The following SYNE3 variants were observed in gnomAD, a reference collection of about 807,000 sequenced individuals.
The protein encoded by SYNE3 is spectrin repeat containing nuclear envelope family member 3, also known as nesprin-3.
A neutral mutation model predicts 111.2 loss-of-function variants in SYNE3; 100 were observed. The ratio of observed to expected loss-of-function variants is 0.90; its 90% CI spans 0.77 to 1.06. SYNE3 has a LOEUF of 1.06. Among genes scored for constraint, SYNE3 ranks in the 50% least tolerant of loss-of-function variants. The pLI, the probability that SYNE3 is intolerant of heterozygous loss-of-function variation, is 0.00. For synonymous variants in SYNE3, 547 were observed against 533.9 expected (o/e 1.02, Z -0.34); for missense variants, 1,160 against 1,240.3 (o/e 0.94, Z 0.97).
intron 6 of SYNE3, 139 bp downstream of exon 6, chr14:95,455,238 G>T (rs1887340189): frequency 1.5e-6 from 1 of 650,986 alleles, no homozygotes; most frequent in Non-Finnish European, 2.4e-6. Flanking sequence ...TCAGGGAGCT[G>T]AGATACCAAG....
intron 15 of SYNE3, 116 bp from the exon 16 acceptor site, chr14:95,433,525 C>T: frequency 7.1e-7 from 1 of 1,406,120 alleles, no homozygotes; most frequent in Non-Finnish European, 9.6e-7. Context: ...AGGGAGGAGG[C>T]AGACAGAATC....
chr14:95,427,743 C>T (rs1370228674), intron 17 of SYNE3, among the ~76,000 whole-genome samples: 2 of 150,984 alleles, frequency 1.3e-5, no homozygotes, highest in Admixed American at 6.6e-5. Flanking sequence ...GCCTGGCATT[C>T]GGGGCCACTA....
chr14:95,512,775 G>A (rs958821181), intron 1 of SYNE3, among the ~76,000 whole-genome samples: 12 of 150,668 alleles, frequency 8.0e-5, no homozygotes, highest in South Asian at 2.1e-4. Context: ...GGAGAATGGC[G>A]TAAACCCGGC....
intron 3 of SYNE3, 79 bp downstream of exon 3, chr14:95,467,716 G>T: frequency 6.5e-7 from 1 of 1,544,494 alleles, no homozygotes; most frequent in Non-Finnish European, 8.8e-7. Context: ...AATGTCTCTT[G>T]GGCAGAGGGC....
Position 95,457,185 on chromosome 14 carries a change from T to G in SYNE3, c.781A>C (p.Thr261Pro). The change falls in exon 5 of 18, where the codon ACA (threonine) becomes CCA (proline). Residue 261 changes from threonine to proline, a missense_variant. Transcript: ENST00000682763. ...ACACAGCTGGGGATTACCTGCAGTG[T>G]GGAGAGGCGCTGCGTGATGGGCAGC... Reference protein sequence around the residue: ...CKLPITQRLSTLQDIAKDFPR... With the variant: ...CKLPITQRLSPLQDIAKDFPR... The G allele has an allele frequency of 6.2e-7, 1 of 1,613,392 alleles. No individual in the cohort carries two copies. Among genetic ancestry groups the G allele is most frequent in the Non-Finnish European group, 8.5e-7 (1 of 1,179,814 alleles).
At chr14:95,512,103 T>C (rs179155) in intron 1 of SYNE3, among the ~76,000 whole-genome samples, 48,530 of 152,032 alleles carry the variant, frequency 0.32, 8,153 homozygotes, top group Admixed American at 0.41. Context: ...ATCTTACTTG[T>C]TGTATGATTT....
intron 7 of SYNE3, 178 bp downstream of exon 7, chr14:95,452,069 A>T: frequency 7.2e-6 from 5 of 696,296 alleles, no homozygotes; most frequent in Non-Finnish European, 8.6e-6. Context: ...AATGCAAAAC[A>T]GTCAAAGGGG....
chr14:95,514,246 T>C (rs1165524763), intron 1 of SYNE3, among the ~76,000 whole-genome samples: 2 of 152,188 alleles, frequency 1.3e-5, no homozygotes, highest in African/African-American at 4.8e-5. Flanking sequence ...CTTCCAGTTT[T>C]GAAGCAGAGG....
rs1027214307 is a variant in SYNE3 at position 95,408,745 on chromosome 14, C to T, written c.*9081G>A. The T allele has an allele frequency of 5.2e-5, 10 of 193,380 alleles. No individual in the cohort carries two copies. The highest frequency in any genetic ancestry group is 7.4e-5 in the Non-Finnish European group (7 of 94,930). The allele number at this position is 193,380 out of a possible 1,614,324, so 12.0% of individuals were successfully genotyped here. A position where few individuals can be genotyped will look rare whatever the true frequency, so the allele number is the denominator to read the frequency against. On this transcript the variant is annotated 3_prime_UTR_variant, in exon 18 of 18. Transcript: ENST00000682763. ...ACATGCACACACAGCTTCCTCTGTC[C>T]GCTTCCTCCTCCCCAGTAAAACTTC... is the stretch of plus-strand genomic sequence containing the variant.
Position 95,414,000 on chromosome 14 carries a change from A to G in SYNE3, c.*3826T>C, listed in dbSNP as rs1313412270. Reference sequence around the variant, plus strand: ...AAGATAATGATAGATGGCCCAAGGGAATGTGCTGCTGGTGGTGACTCATCT... The same window carrying G: ...AAGATAATGATAGATGGCCCAAGGGGATGTGCTGCTGGTGGTGACTCATCT... On this transcript the variant is annotated 3_prime_UTR_variant, in exon 18 of 18. Coordinates refer to ENST00000682763, the MANE Select transcript of SYNE3 (RefSeq NM_152592.6). 1 of 152,332 alleles carries G rather than the reference A, an allele frequency of 6.6e-6. No individual in the cohort carries two copies. Among genetic ancestry groups the G allele is most frequent in the African/African-American group, 2.4e-5 (1 of 41,420 alleles). The allele number at this position is 152,332 out of a possible 1,614,324, so 9.4% of individuals were successfully genotyped here.
At chr14:95,418,177 G>C (rs12434804) in intron 17 of SYNE3, 151 bp from the exon 18 acceptor site, 466,695 of 737,286 alleles carry the variant, frequency 0.63, 150,391 homozygotes, top group Non-Finnish European at 0.68. Flanking sequence ...GTGAAACAGG[G>C]CTAATGTAAG....
chr14:95,434,660 CTT>C (rs11300766), intron 15 of SYNE3, among the ~76,000 whole-genome samples: 4,897 of 151,872 alleles, frequency 0.032, 291 homozygotes, highest in African/African-American at 0.11. Context: ...TATCCTAAAT[CTT>C]TTTTTTCTTT....
intron 1 of SYNE3, among the ~76,000 whole-genome samples, chr14:95,481,000 G>A (rs1439679192): frequency 1.3e-5 from 2 of 151,866 alleles, no homozygotes; most frequent in African/African-American, 4.8e-5. Context: ...CCCCACCCCC[G>A]ACCCCAGGCA....
At chr14:95,513,772 T>TATATATATATATATATATATATA (rs56006428) in intron 1 of SYNE3, among the ~76,000 whole-genome samples, 3 of 131,986 alleles carry the variant, frequency 2.3e-5, no homozygotes, top group Non-Finnish European at 3.2e-5. Flanking sequence ...TATATATATA[T>TATATATATATATATATATATATA]TCAGAATCCA....
chr14:95,417,546 G>C lies in SYNE3; in HGVS notation c.*280C>G. 4.4e-6 allele frequency: 2 copies of C among 457,150 alleles called. No homozygotes were observed. Among genetic ancestry groups the C allele is most frequent in the Middle Eastern group, 6.1e-4 (1 of 1,630 alleles). The allele number at this position is 457,150 out of a possible 1,614,324, so 28.3% of individuals were successfully genotyped here. A position where few individuals can be genotyped will look rare whatever the true frequency, so the allele number is the denominator to read the frequency against. Reference sequence around the variant, plus strand: ...ATTTTCCCAACTCCAAATAGAACTCGTATATGAAATTATACATACTGAGCA... The same window carrying C: ...ATTTTCCCAACTCCAAATAGAACTCCTATATGAAATTATACATACTGAGCA... On this transcript the variant is annotated 3_prime_UTR_variant, in exon 18 of 18. Coordinates refer to ENST00000682763, the MANE Select transcript of SYNE3 (RefSeq NM_152592.6).
intron 7 of SYNE3, chr14:95,451,002 T>C (rs1332345840): frequency 6.6e-6 from 1 of 152,100 alleles, no homozygotes; most frequent in African/African-American, 2.4e-5. Context: ...ATAATAGAAA[T>C]GTGAGTCTAA....
intron 2 of SYNE3, among the ~76,000 whole-genome samples, chr14:95,475,270 C>T (rs532911115): frequency 1.3e-5 from 2 of 152,340 alleles, no homozygotes; most frequent in Non-Finnish European, 2.9e-5. Flanking sequence ...TGGAGGAAGA[C>T]CTTGGCCAAC....
intron 2 of SYNE3, 99 bp downstream of exon 2, chr14:95,475,579 G>C: frequency 2.4e-6 from 3 of 1,266,698 alleles, no homozygotes; most frequent in Non-Finnish European, 3.0e-6. Flanking sequence ...CATTGGTTTA[G>C]TCCACCGTTG....
At chr14:95,419,422 C>G (rs1040951566) in intron 17 of SYNE3, among the ~76,000 whole-genome samples, 4 of 152,094 alleles carry the variant, frequency 2.6e-5, no homozygotes, top group Non-Finnish European at 5.9e-5. Context: ...TGTACCAGTT[C>G]TTACTATTAG....
Sources: allele counts gnomAD v4.1 joint callset (sites outside exome capture counted in the v4.1 genomes callset), GRCh38; gene constraint gnomAD v4.1.1; transcripts MANE v1.5; gene names NCBI Gene and HGNC (gene_info 2026-07-23, HGNC 2026-07-21).